The following FBN2 variants were observed in gnomAD, a reference collection of about 807,000 sequenced individuals.
FBN2 encodes the protein fibrillin 2.
In FBN2, 105 loss-of-function variants were observed where a neutral mutation model predicts 355.6. The ratio of observed to expected loss-of-function variants is 0.30; its 90% CI spans 0.25 to 0.35. The LOEUF (loss-of-function observed/expected upper bound fraction) is 0.35. FBN2 is among the 10% of genes least tolerant of loss of function. The probability of loss-of-function intolerance (pLI) is 1.00; values close to 1 mark genes in which losing one functional copy is unlikely to be tolerated. For missense variants in FBN2, 3,280 were observed against 3,758.7 expected, an observed-to-expected ratio of 0.87 and a Z score of 3.33; for synonymous variants, 1,350 against 1,301.2, an observed-to-expected ratio of 1.04 and a Z score of -0.81.
chr5:128,412,289 C>T (rs992716517), intron 7 of FBN2, among the ~76,000 whole-genome samples: 50 of 152,216 alleles, frequency 3.3e-4, no homozygotes, highest in African/African-American at 1.1e-3. Flanking sequence ...ACTTGAGCTG[C>T]CTTCCCTGAT....
intron 30 of FBN2, 103 bp downstream of exon 30, chr5:128,335,067 A>G: frequency 1.3e-6 from 2 of 1,529,094 alleles, no homozygotes; most frequent in Non-Finnish European, 1.8e-6. Context: ...TTGAATTTTT[A>G]AAATAACAAC....
intron 7 of FBN2, among the ~76,000 whole-genome samples, chr5:128,438,714 A>G (rs1169277311): frequency 1.3e-5 from 2 of 152,162 alleles, no homozygotes; most frequent in African/African-American, 2.4e-5. Context: ...AGAGTTCTGG[A>G]CGGAAATTCA....
chr5:128,529,505 C>T (rs1184991220), intron 3 of FBN2, among the ~76,000 whole-genome samples: 6 of 152,086 alleles, frequency 3.9e-5, no homozygotes, highest in Non-Finnish European at 2.9e-5. Context: ...GGAAGGATTG[C>T]CCAAGGCCAA....
At chr5:128,319,837 A>C (rs1446344720) in intron 34 of FBN2, among the ~76,000 whole-genome samples, 2 of 152,158 alleles carry the variant, frequency 1.3e-5, no homozygotes, top group Non-Finnish European at 2.9e-5. Flanking sequence ...AAATAATCTG[A>C]ATTTCTACTC....
intron 13 of FBN2, 26 bp from the exon 14 acceptor site, chr5:128,376,879 G>C: frequency 1.2e-6 from 2 of 1,611,920 alleles, no homozygotes; most frequent in Non-Finnish European, 1.7e-6. Flanking sequence ...GAGTGACTTT[G>C]AACACTGGCC....
At chr5:128,296,553 G>T in intron 48 of FBN2, among the ~76,000 whole-genome samples, 1 of 151,944 alleles carries the variant, frequency 6.6e-6, no homozygotes, top group Non-Finnish European at 1.5e-5. Flanking sequence ...ACTTCTTCCT[G>T]GTTTAGTCTT....
At chr5:128,312,349 A>G (rs1458279752) in intron 37 of FBN2, among the ~76,000 whole-genome samples, 2 of 152,238 alleles carry the variant, frequency 1.3e-5, no homozygotes, top group Admixed American at 6.5e-5. Flanking sequence ...AGAATCAGGA[A>G]TGCACTTTAT....
In FBN2 at chr5:128,278,724, C is replaced by A. The variant is rs762058983; in HGVS notation, c.7256G>T (p.Gly2419Val). 5.0e-6 allele frequency: 8 copies of A among 1,614,024 alleles called. No homozygotes were observed. Among genetic ancestry groups the A allele is most frequent in the African/African-American group, 1.3e-5 (1 of 74,928 alleles). The change falls in exon 57 of 65, where the codon GGC (glycine) becomes GTC (valine). Residue 2419 changes from glycine (G) to valine (V), a missense_variant. Physicochemically the swap from Gly to Val is moderately radical, Grantham distance 109. Coordinates refer to ENST00000262464, the MANE Select transcript of FBN2 (RefSeq NM_001999.4). ...AAGTGGGCAAAGCTCGCACTGGTGG[C>A]CCCAGCCTCGCCCACCATCACAGCA... is the stretch of plus-strand genomic sequence containing the variant. ...ECCCDGGRGW[G>V]HQCELCPLPG...
At chr5:128,520,136 C>T (rs1561495862) in intron 4 of FBN2, among the ~76,000 whole-genome samples, 1 of 152,118 alleles carries the variant, frequency 6.6e-6, no homozygotes, top group South Asian at 2.1e-4. Context: ...CTCCTTTAGC[C>T]TTGTGACCTG....
intron 5 of FBN2, among the ~76,000 whole-genome samples, chr5:128,477,375 T>C (rs1755033543): frequency 6.6e-6 from 1 of 152,110 alleles, no homozygotes; most frequent in Admixed American, 6.6e-5. Context: ...TTTAAGGAGT[T>C]ATGTTTGAAA....
In FBN2 at chr5:128,328,793, G is replaced by A; in HGVS notation, c.4374C>T (p.Asn1458=). The change falls in exon 34 of 65, where the codon AAC becomes AAT. Residue 1458 remains asparagine (N), a synonymous_variant. Transcript: ENST00000262464. ...TAAGGCACTGTCCGTTCTCACAGAG[G>A]TTTATGTTTTCTGCACACTCATCAA... ...SDVDECAENI[N]LCENGQCLNV... 6.2e-7 allele frequency: 1 copy of A among 1,614,106 alleles called. No homozygotes were observed. The highest frequency in any genetic ancestry group is 8.5e-7 in the Non-Finnish European group (1 of 1,179,990).
intron 4 of FBN2, among the ~76,000 whole-genome samples, chr5:128,525,613 C>A (rs901071044): frequency 2.0e-5 from 3 of 152,088 alleles, no homozygotes; most frequent in African/African-American, 7.2e-5. Context: ...AGAAAACTGG[C>A]CTCAACGTAT....
intron 5 of FBN2, among the ~76,000 whole-genome samples, chr5:128,483,812 G>A (rs2127113757): frequency 1.3e-5 from 2 of 152,136 alleles, no homozygotes; most frequent in African/African-American, 4.8e-5. Context: ...ATAATAGCTG[G>A]AAAAAATGTT....
intron 47 of FBN2, 152 bp downstream of exon 47, chr5:128,301,230 T>C: frequency 1.3e-6 from 1 of 776,554 alleles, no homozygotes; most frequent in Non-Finnish European, 2.1e-6. Flanking sequence ...GTTGATACCT[T>C]ATACTAAAAT....
chr5:128,509,828 A>T (rs993003846), intron 5 of FBN2, among the ~76,000 whole-genome samples: 11 of 152,188 alleles, frequency 7.2e-5, no homozygotes, highest in African/African-American at 2.7e-4. Flanking sequence ...CACTATTCTG[A>T]GTACTCTAAC....
intron 44 of FBN2, among the ~76,000 whole-genome samples, chr5:128,305,290 C>A (rs991735000): frequency 1.3e-5 from 2 of 152,008 alleles, no homozygotes; most frequent in Non-Finnish European, 2.9e-5. Context: ...TTATTGGTAT[C>A]TGAAGGATAT....
intron 2 of FBN2, among the ~76,000 whole-genome samples, chr5:128,531,820 G>A (rs1756716523): frequency 6.6e-6 from 1 of 151,486 alleles, no homozygotes; most frequent in Non-Finnish European, 1.5e-5. Flanking sequence ...TGCATGATGG[G>A]CTTATGTATG....
intron 48 of FBN2, among the ~76,000 whole-genome samples, chr5:128,299,096 G>A (rs1026656222): frequency 6.6e-6 from 1 of 152,100 alleles, no homozygotes; most frequent in African/African-American, 2.4e-5. Flanking sequence ...TGGGCCGTGT[G>A]AGGTGTCAGT....
intron 15 of FBN2, among the ~76,000 whole-genome samples, chr5:128,371,456 C>CTCCTTCCT (rs58112302): frequency 7.5e-5 from 11 of 147,026 alleles, no homozygotes; most frequent in Non-Finnish European, 1.5e-4. Context: ...TTCTCTTTTT[C>CTCCTTCCT]TCCTTCCTTC....
Sources: allele counts gnomAD v4.1 joint callset (sites outside exome capture counted in the v4.1 genomes callset), GRCh38; gene constraint gnomAD v4.1.1; transcripts MANE v1.5; gene names NCBI Gene and HGNC (gene_info 2026-07-23, HGNC 2026-07-21).